The following SDR39U1 variants were observed in gnomAD, a reference collection of about 807,000 sequenced individuals.
The protein encoded by SDR39U1 is epimerase family protein SDR39U1.
A neutral mutation model predicts 31.7 loss-of-function variants in SDR39U1; 29 were observed. The ratio of observed to expected loss-of-function variants is 0.92; its 90% CI spans 0.68 to 1.25. The LOEUF is 1.25. SDR39U1 is among the 50% of genes most tolerant of loss of function. The pLI is 0.00. For missense variants in SDR39U1, 403 were observed against 378.4 expected, an observed-to-expected ratio of 1.06 and a Z score of -0.54; for synonymous variants, 147 against 159.0, an observed-to-expected ratio of 0.92 and a Z score of 0.57.
rs543040413 is a variant in SDR39U1 at position 24,440,856 on chromosome 14, G to A, written c.399C>T (p.Ser133=). The A allele has an allele frequency of 9.3e-6, 15 of 1,613,874 alleles. No homozygotes were observed. In the South Asian group the frequency reaches 1.4e-4, roughly 15 times the overall value. The change falls in exon 5 of 6, where the codon TCC becomes TCT. Residue 133 remains serine, a synonymous_variant. Coordinates refer to ENST00000399395, the MANE Select transcript of SDR39U1 (RefSeq NM_020195.3). ...CAGCTTCCCATTTGGTTACGAGGTT[G>A]GAGAAAAAGTCAAAGTCCCCTCCTG... ...DSPGGDFDFF[S]NLVTKWEAAA... is the part of the protein sequence containing the mutation.
rs35669030 is a variant in SDR39U1, at chr14:24,442,243, C to A, written c.141G>T (p.Ser47=). ...CGGCGGCATCGCAGCTCGGCAGCCC[C>A]GATGCAGCGAGCTCATCCTGTCGGA... The part of the protein sequence containing the change: ...GRITWDELAA[S]GLPSCDAAVN... Residue 47 remains serine (S), a synonymous_variant, in exon 3 of 6, where the codon TCG becomes TCT. Transcript: ENST00000399395. The A allele has an allele frequency of 6.2e-7, 1 of 1,610,586 alleles. No homozygotes were observed. Among genetic ancestry groups the A allele is most frequent in the African/African-American group, 1.3e-5 (1 of 74,850 alleles).
intron 3 of SDR39U1, 130 bp downstream of exon 3, chr14:24,442,048 A>G (rs1231188376): frequency 6.5e-7 from 1 of 1,540,980 alleles, no homozygotes; most frequent in East Asian, 2.4e-5. Flanking sequence ...GTGGAGCAGA[A>G]TGAGTAGTCT....
rs764608272 is a variant in SDR39U1, at chr14:24,440,105, G to A, written c.860C>T (p.Ala287Val). The A allele has an allele frequency of 6.2e-7, 1 of 1,604,934 alleles. No individual in the cohort carries two copies. Among genetic ancestry groups the A allele is most frequent in the Non-Finnish European group, 8.5e-7 (1 of 1,173,224 alleles). The change falls in exon 6 of 6, where the codon GCC (alanine) becomes GTC (valine). Residue 287 changes from alanine to valine, a missense_variant. Coordinates refer to ENST00000399395, the MANE Select transcript of SDR39U1 (RefSeq NM_020195.3). ...YQYSFPELGA[A>V]LKEIVA is the part of the protein sequence containing the mutation. ...TACTTAGGCTACAATTTCCTTTAAGGCAGCCCCTAGCTCTGGGAAGGAATA... is the reference window on the plus strand; with the variant it reads ...TACTTAGGCTACAATTTCCTTTAAGACAGCCCCTAGCTCTGGGAAGGAATA...
Position 24,442,360 on chromosome 14 carries a change from C to T in SDR39U1, c.109G>A (p.Gly37Ser). The T allele has an allele frequency of 1.2e-6, 2 of 1,611,032 alleles. No homozygotes were observed. Among genetic ancestry groups the T allele is most frequent in the Non-Finnish European group, 1.7e-6 (2 of 1,178,722 alleles). ...VTLVSRKPGP[G>S]RITWDELAAS... The stretch of plus-strand genomic sequence containing the variant: ...GATGGACTTACCCACGTGATCCGGC[C>T]GGGCCCGGGCTTTCGGGAGACCAAC... The change falls in exon 2 of 6, where the codon GGC becomes AGC. Residue 37 changes from glycine (G) to serine (S), a missense_variant. Physicochemically the swap from Gly to Ser is moderately conservative, Grantham distance 56. Transcript: ENST00000399395.
intron 5 of SDR39U1, 98 bp downstream of exon 5, chr14:24,440,685 T>C: frequency 6.7e-7 from 1 of 1,483,438 alleles, no homozygotes. Flanking sequence ...TGGCATCCTC[T>C]CACTCTGTAA....
intron 1 of SDR39U1, 121 bp downstream of exon 1, chr14:24,442,633 C>A (rs1476693368): frequency 5.1e-6 from 7 of 1,364,874 alleles, no homozygotes; most frequent in South Asian, 2.3e-5. Flanking sequence ...TTCGGCTTCT[C>A]GGGCTAGGAG....
chr14:24,442,218 C>A lies in SDR39U1; in HGVS notation c.166G>T (p.Val56Phe), dbSNP rs745601563. 7.4e-6 allele frequency: 12 copies of A among 1,612,064 alleles called. No individual in the cohort carries two copies. The highest frequency in any genetic ancestry group is 1.3e-5 in the African/African-American group (1 of 74,878). ...AGGATGTTCTCTCCGGCCAGGTTGA[C>A]GGCGGCATCGCAGCTCGGCAGCCCC... The part of the protein sequence containing the change: ...ASGLPSCDAA[V>F]NLAGENILNP... The change falls in exon 3 of 6, where the codon GTC (valine) becomes TTC (phenylalanine). Residue 56 changes from valine to phenylalanine, a missense_variant. Coordinates refer to ENST00000399395, the MANE Select transcript of SDR39U1 (RefSeq NM_020195.3).
chr14:24,442,755 C>G lies in SDR39U1; in HGVS notation c.15G>C (p.Val5=). Residue 5 remains valine (V), a splice_region_variant and synonymous_variant, in exon 1 of 6, where the codon GTG becomes GTC. Transcript: ENST00000399395. ...CTCTCCCTTTCTGCCCTCCCTCACC[C>G]ACAAGCACACGCATAGCGACTAGGA... The part of the protein sequence containing the change: MRVL[V]GGGTGFIGTA... 1 of 1,614,054 alleles carries G rather than the reference C, an allele frequency of 6.2e-7. No homozygotes were observed. Among genetic ancestry groups the G allele is most frequent in the Non-Finnish European group, 8.5e-7 (1 of 1,179,904 alleles).
At position 24,442,218 on chromosome 14, in the gene SDR39U1, C is replaced by G. The variant is rs745601563; in HGVS notation, c.166G>C (p.Val56Leu). 2 of 1,612,180 alleles carry G rather than the reference C, an allele frequency of 1.2e-6. No homozygotes were observed. The highest frequency in any genetic ancestry group is 1.1e-5 in the South Asian group (1 of 90,600). The stretch of plus-strand genomic sequence containing the variant: ...AGGATGTTCTCTCCGGCCAGGTTGA[C>G]GGCGGCATCGCAGCTCGGCAGCCCC... ...ASGLPSCDAA[V>L]NLAGENILNP... The change falls in exon 3 of 6, where the codon GTC (valine) becomes CTC (leucine). Residue 56 changes from valine (V) to leucine (L), a missense_variant. Coordinates refer to ENST00000399395, the MANE Select transcript of SDR39U1 (RefSeq NM_020195.3).
rs537217822 is a variant in SDR39U1 at position 24,439,954 on chromosome 14, T to C, written c.*129A>G. 5.4e-4 allele frequency: 387 copies of C among 712,960 alleles called. 2 individuals are homozygous for C. Among genetic ancestry groups the C allele is most frequent in the Non-Finnish European group, 6.6e-4 (293 of 441,740 alleles). 44.2% of individuals were successfully genotyped at this position (712,960 alleles called of 1,614,324 possible). A position where few individuals can be genotyped will look rare whatever the true frequency, so the allele number is the denominator to read the frequency against. On this transcript the variant is annotated 3_prime_UTR_variant, in exon 6 of 6. Coordinates refer to ENST00000399395, the MANE Select transcript of SDR39U1 (RefSeq NM_020195.3). ...ACAATAAGGTGGAGCAACAGAACAATGGGAAAGAGGACTGGGAGAGGAATC... is the reference window on the plus strand; with the variant it reads ...ACAATAAGGTGGAGCAACAGAACAACGGGAAAGAGGACTGGGAGAGGAATC...
In SDR39U1 at chr14:24,442,765, C is replaced by A; in HGVS notation, c.5G>T (p.Arg2Leu). 1 of 1,614,058 alleles carries A rather than the reference C, an allele frequency of 6.2e-7. No individual in the cohort carries two copies. The highest frequency in any genetic ancestry group is 8.5e-7 in the Non-Finnish European group (1 of 1,179,898). The change falls in exon 1 of 6, where the codon CGT (arginine) becomes CTT (leucine). Residue 2 changes from arginine to leucine, a missense_variant. Physicochemically the swap from Arg to Leu is moderately radical, Grantham distance 102. Transcript: ENST00000399395. ...CTGCCCTCCCTCACCCACAAGCACA[C>A]GCATAGCGACTAGGACCTAACGCGC... is the stretch of plus-strand genomic sequence containing the variant. M[R>L]VLVGGGTGFI...
chr14:24,442,500 G>A (rs762805320), intron 1 of SDR39U1, 48 bp from the exon 2 acceptor site: 113 of 1,530,694 alleles, frequency 7.4e-5, no homozygotes, highest in Non-Finnish European at 9.8e-5. Flanking sequence ...GTTGGGGTGG[G>A]GGCGCCTTCC....
At chr14:24,442,523 G>C in intron 1 of SDR39U1, 71 bp from the exon 2 acceptor site, 1 of 1,416,486 alleles carries the variant, frequency 7.1e-7, no homozygotes, top group South Asian at 1.2e-5. Context: ...CCCCGCTGTG[G>C]CACCCTCTTC....
chr14:24,440,659 G>A, intron 5 of SDR39U1, 124 bp downstream of exon 5: 1 of 1,386,950 alleles, frequency 7.2e-7, no homozygotes. Flanking sequence ...CTCATCTGCA[G>A]GTTGGCTAGA....
chr14:24,441,831 A>G (rs1333924644), intron 3 of SDR39U1, 36 bp from the exon 4 acceptor site: 1 of 1,592,306 alleles, frequency 6.3e-7, no homozygotes, highest in Non-Finnish European at 8.5e-7. Flanking sequence ...AAGCCACTAA[A>G]TACATAAGTG....
intron 3 of SDR39U1, 44 bp from the exon 4 acceptor site, chr14:24,441,839 G>A: frequency 1.3e-6 from 2 of 1,583,174 alleles, no homozygotes; most frequent in East Asian, 4.5e-5. Context: ...AAATACATAA[G>A]TGCACATATC....
chr14:24,441,038 G>T, intron 4 of SDR39U1, 112 bp from the exon 5 acceptor site: 1 of 1,154,588 alleles, frequency 8.7e-7, no homozygotes, highest in Non-Finnish European at 1.3e-6. Flanking sequence ...CTCCCCATTT[G>T]GAGACAGAGC....
rs1421417461 is a variant in SDR39U1, at chr14:24,442,010, G to A, written c.206+168C>T. 11 of 1,471,234 alleles carry A rather than the reference G, an allele frequency of 7.5e-6. No homozygotes were observed. In the South Asian group the frequency reaches 8.6e-5, roughly 11 times the overall value. The allele number at this position is 1,471,234 out of a possible 1,614,324, so 91.1% of individuals were successfully genotyped here. ...GAGGACTTAAGCCAATTGGCTGACTGGGTGGAGGAGCAGGTGGGGGTGGAG... is the reference window on the plus strand; with the variant it reads ...GAGGACTTAAGCCAATTGGCTGACTAGGTGGAGGAGCAGGTGGGGGTGGAG... On this transcript the variant is annotated intron_variant, in intron 3 of 5. Transcript: ENST00000399395.
rs1164991748 is a variant in SDR39U1, at chr14:24,440,416, G to A, written c.549C>T (p.Ile183=). The A allele has an allele frequency of 1.2e-5, 19 of 1,613,268 alleles. No homozygotes were observed. Among genetic ancestry groups the A allele is most frequent in the East Asian group, 2.2e-5 (1 of 44,846 alleles). Residue 183 remains isoleucine (I), a synonymous_variant, in exon 6 of 6, where the codon ATC becomes ATT. Coordinates refer to ENST00000399395, the MANE Select transcript of SDR39U1 (RefSeq NM_020195.3). ...AGGGGAAGAATTGGTGGCCTGAGCC[G>A]ATGGGGCCCCCCAGGCCCAGGCGAA... The part of the protein sequence containing the change: ...LPFRLGLGGP[I]GSGHQFFPWI...
Sources: gnomAD v4.1 joint callset for allele counts on GRCh38, gnomAD v4.1.1 for gene constraint, MANE v1.5 for transcripts, NCBI Gene and HGNC (gene_info 2026-07-23, HGNC 2026-07-21) for gene names.